PKP2: variants seen among roughly 807,000 people sequenced by gnomAD.
The protein encoded by PKP2 is plakophilin-2.
In PKP2, 73 loss-of-function variants were observed where a neutral mutation model predicts 83.4. That is an observed-to-expected ratio of 0.88 (90% confidence interval 0.72 to 1.06). The LOEUF (loss-of-function observed/expected upper bound fraction) is 1.06. PKP2 is among the 50% of genes least tolerant of loss of function. The pLI is 0.00. For synonymous variants in PKP2, 409 were observed against 430.4 expected (o/e 0.95, Z 0.62); for missense variants, 966 against 1,065.4 (o/e 0.91, Z 1.30).
intron 10 of PKP2, among the ~76,000 whole-genome samples, chr12:32,797,365 G>C (rs1397748220): frequency 1.4e-5 from 2 of 147,858 alleles, no homozygotes. Context: ...AGAATTGCTT[G>C]AGCTTGGGAG....
chr12:32,828,975 G>A (rs547189422), intron 6 of PKP2, among the ~76,000 whole-genome samples: 22 of 151,906 alleles, frequency 1.4e-4, no homozygotes, highest in South Asian at 2.1e-4. Flanking sequence ...TCACTCTATC[G>A]TCCAGGCTGT....
chr12:32,885,362 T>C (rs551583546), intron 1 of PKP2, among the ~76,000 whole-genome samples: 39 of 152,250 alleles, frequency 2.6e-4, no homozygotes, highest in African/African-American at 7.9e-4. Flanking sequence ...AGGGTTAAAA[T>C]AGTCAATAAG....
chr12:32,839,563 C>T (rs759075833), intron 6 of PKP2, among the ~76,000 whole-genome samples: 15 of 151,862 alleles, frequency 9.9e-5, no homozygotes, highest in Non-Finnish European at 1.9e-4. Flanking sequence ...AAAGGGAATA[C>T]GGTCATGGTT....
intron 6 of PKP2, 159 bp from the exon 7 acceptor site, chr12:32,824,321 A>C: frequency 1.5e-6 from 1 of 670,392 alleles, no homozygotes; most frequent in Non-Finnish European, 2.7e-6. Context: ...TTGACTGCTT[A>C]ATAGATCAAC....
intron 6 of PKP2, among the ~76,000 whole-genome samples, chr12:32,832,925 T>C (rs1415321630): frequency 6.6e-6 from 1 of 152,236 alleles, no homozygotes; most frequent in East Asian, 1.9e-4. Context: ...CAGAATAAGA[T>C]ATGGATGAGC....
In PKP2 at chr12:32,792,496, T is replaced by G. The variant is rs747381987; in HGVS notation, c.2446-4A>C. The G allele has an allele frequency of 8.7e-6, 14 of 1,612,926 alleles. No homozygotes were observed. Among genetic ancestry groups the G allele is most frequent in the Non-Finnish European group, 1.2e-5 (14 of 1,179,038 alleles). On this transcript the variant is annotated splice_region_variant and splice_polypyrimidine_tract_variant and intron_variant, in intron 12 of 12. Transcript: ENST00000340811. The stretch of plus-strand genomic sequence containing the variant: ...AATCTGTCTTCTTAAACTGAGCCTT[T>G]GGAATAAGCAAACAGAAACGTGAAA...
intron 4 of PKP2, among the ~76,000 whole-genome samples, chr12:32,868,240 G>A (rs148997260): frequency 3.1e-3 from 479 of 152,306 alleles, no homozygotes; most frequent in Middle Eastern, 6.8e-3. Flanking sequence ...TTCAGGATGA[G>A]TCTCGCTCTG....
At chr12:32,880,245 CA>C (rs1956973410) in intron 1 of PKP2, among the ~76,000 whole-genome samples, 1 of 151,522 alleles carries the variant, frequency 6.6e-6, no homozygotes, top group Non-Finnish European at 1.5e-5. Flanking sequence ...CCTAAAAATA[CA>C]AAAATTAGTC....
In PKP2 at chr12:32,877,880, T is replaced by C; in HGVS notation, c.1000A>G (p.Thr334Ala). 2 of 1,614,112 alleles carry C rather than the reference T, an allele frequency of 1.2e-6. No homozygotes were observed. The highest frequency in any genetic ancestry group is 2.7e-5 in the African/African-American group (2 of 75,056). ...AAAGGSGNLL[T>A]ERSTFTDSQL... ...GAGTCAGTGAAAGTGCTTCTCTCAG[T>C]GAGCAGATTCCCACTTCCCCCTGCG... Residue 334 changes from threonine to alanine, a missense_variant, in exon 3 of 13, where the codon ACT becomes GCT. Coordinates refer to ENST00000340811, the MANE Select transcript of PKP2 (RefSeq NM_001005242.3).
intron 10 of PKP2, among the ~76,000 whole-genome samples, chr12:32,799,522 T>C (rs1451926541): frequency 6.6e-6 from 1 of 152,190 alleles, no homozygotes; most frequent in Non-Finnish European, 1.5e-5. Flanking sequence ...TTGCAAAATA[T>C]GGAGCCAACC....
intron 3 of PKP2, 37 bp downstream of exon 3, chr12:32,877,809 G>A: frequency 7.0e-7 from 1 of 1,436,440 alleles, no homozygotes; most frequent in Non-Finnish European, 9.8e-7. Context: ...AGAATGTGCT[G>A]GCAATGACTG....
chr12:32,802,251 A>T (rs1956187930), intron 10 of PKP2, 152 bp downstream of exon 10: 1 of 775,812 alleles, frequency 1.3e-6, no homozygotes, highest in Non-Finnish European at 2.3e-6. Context: ...TGTTTGTGAT[A>T]TCTGGTGGCA....
intron 1 of PKP2, among the ~76,000 whole-genome samples, chr12:32,890,756 C>T (rs1017497709): frequency 6.6e-6 from 1 of 151,940 alleles, no homozygotes; most frequent in Non-Finnish European, 1.5e-5. Flanking sequence ...GTCAGGAGTT[C>T]GAGACCATCC....
intron 1 of PKP2, among the ~76,000 whole-genome samples, chr12:32,889,261 C>T (rs1957057592): frequency 6.6e-6 from 1 of 152,116 alleles, no homozygotes; most frequent in South Asian, 2.1e-4. Flanking sequence ...TGAGAAGTTG[C>T]AGGCATTAGA....
rs776927054 is a variant in PKP2, at chr12:32,868,996, T to G, written c.1101A>C (p.Pro367=). 6.2e-7 allele frequency: 1 copy of G among 1,613,964 alleles called. No homozygotes were observed. Among genetic ancestry groups the G allele is most frequent in the South Asian group, 1.1e-5 (1 of 91,068 alleles). ...AAGTAGCTGCAGCAGAAATCCTGGA[T>G]GGCAGCATGTGGTCTGCCTCGAGCA... ...VSMLEADHML[P]SRISAAATFI... The change falls in exon 4 of 13, where the codon CCA becomes CCC. Residue 367 remains proline (P), a synonymous_variant. Transcript: ENST00000340811.
intron 3 of PKP2, among the ~76,000 whole-genome samples, chr12:32,877,562 T>A (rs1956941981): frequency 6.6e-6 from 1 of 152,188 alleles, no homozygotes; most frequent in Admixed American, 6.5e-5. Flanking sequence ...GATTTTCATA[T>A]GGCTGAGGGG....
chr12:32,800,664 C>T (rs762220855), intron 10 of PKP2, among the ~76,000 whole-genome samples: 2 of 152,106 alleles, frequency 1.3e-5, no homozygotes, highest in Admixed American at 6.5e-5. Context: ...CGAGTCAATG[C>T]ATGTTAATTG....
rs1379105287 is a variant in PKP2, at chr12:32,890,381, T to C, written c.223+6128A>G. ...ATTAAGCTTCTAATGAAGGTTTTCA[T>C]CCACAAATTCTGGAAATCAAGGAAT... is the stretch of plus-strand genomic sequence containing the variant. On this transcript the variant is annotated intron_variant, in intron 1 of 12. Coordinates refer to ENST00000340811, the MANE Select transcript of PKP2 (RefSeq NM_001005242.3). Among the ~76,000 whole-genome samples the C allele has an allele frequency of 2.0e-5, 3 of 152,192 alleles. No individual in the cohort carries two copies. The East Asian group carries it at 5.8e-4, about 29-fold the overall frequency.
At chr12:32,819,341 T>TA (rs1956354244) in intron 9 of PKP2, among the ~76,000 whole-genome samples, 1 of 151,068 alleles carries the variant, frequency 6.6e-6, no homozygotes, top group Non-Finnish European at 1.5e-5. Context: ...TAAAATAAAA[T>TA]AAAATAAAGG....
Sources: gnomAD v4.1 joint callset for allele counts (sites outside exome capture counted in the v4.1 genomes callset) on GRCh38, gnomAD v4.1.1 for gene constraint, MANE v1.5 for transcripts, NCBI Gene and HGNC (gene_info 2026-07-23, HGNC 2026-07-21) for gene names.